Variants in SVOPL observed in about 807,000 individuals in gnomAD.
SVOPL encodes putative transporter SVOPL.
In SVOPL, 60 loss-of-function variants were observed where a neutral mutation model predicts 61.0. The ratio of observed to expected loss-of-function variants is 0.98; its 90% CI spans 0.80 to 1.22. SVOPL has a LOEUF of 1.22. Among genes scored for constraint, SVOPL ranks in the 50% most tolerant of loss-of-function variants. The pLI is 0.00. For missense variants in SVOPL, 662 were observed against 643.9 expected, an observed-to-expected ratio of 1.03 and a Z score of -0.30; for synonymous variants, 279 against 250.0, an observed-to-expected ratio of 1.12 and a Z score of -1.09.
intron 14 of SVOPL, among the ~76,000 whole-genome samples, chr7:138,611,489 G>GTT (rs928468838): frequency 6.6e-6 from 1 of 152,140 alleles, no homozygotes; most frequent in Non-Finnish European, 1.5e-5. Flanking sequence ...ACAACGTACA[G>GTT]TTTCTCAATA....
chr7:138,679,072 C>T lies in SVOPL; in HGVS notation c.-27G>A, dbSNP rs778753572. ...TTCTAAATAGCTCAAGTTCCCCAAA[C>T]AGCTTCCCTGGTGGAAGCAAGGGAG... On this transcript the variant is annotated 5_prime_UTR_variant, in exon 2 of 16. Transcript: ENST00000674285. The T allele has an allele frequency of 6.5e-7, 1 of 1,545,034 alleles. No individual in the cohort carries two copies. Among genetic ancestry groups the T allele is most frequent in the South Asian group, 1.2e-5 (1 of 83,840 alleles).
At position 138,594,464 on chromosome 7, in the gene SVOPL, C is replaced by T; in HGVS notation, c.*146G>A. On this transcript the variant is annotated 3_prime_UTR_variant, in exon 16 of 16. Transcript: ENST00000674285. Reference sequence around the variant, plus strand: ...GAGATCAATATACAGTTACCTACCCCATTCCCATATATGCCTTTAAAAAAA... The same window carrying T: ...GAGATCAATATACAGTTACCTACCCTATTCCCATATATGCCTTTAAAAAAA... 3.8e-6 allele frequency: 2 copies of T among 521,254 alleles called. No individual in the cohort carries two copies. The highest frequency in any genetic ancestry group is 3.3e-6 in the Non-Finnish European group (1 of 300,416). 32.3% of individuals were successfully genotyped at this position (521,254 alleles called of 1,614,324 possible).
chr7:138,638,497 A>G (rs1406123776), intron 9 of SVOPL, among the ~76,000 whole-genome samples: 2 of 152,184 alleles, frequency 1.3e-5, no homozygotes, highest in African/African-American at 2.4e-5. Context: ...GATCATATTT[A>G]GCGTCCTTGT....
chr7:138,694,160 G>A (rs11769043), intron 1 of SVOPL, among the ~76,000 whole-genome samples: 11,950 of 152,290 alleles, frequency 0.078, 958 homozygotes, highest in African/African-American at 0.2. Context: ...TGACTGAGCA[G>A]TTTCACTCTG....
intron 7 of SVOPL, among the ~76,000 whole-genome samples, chr7:138,653,389 A>G (rs769083967): frequency 5.3e-5 from 8 of 152,172 alleles, no homozygotes; most frequent in Non-Finnish European, 1.0e-4. Context: ...ATCAGTGCCT[A>G]TTTCAAAGCT....
chr7:138,634,112 G>C (rs888777520), intron 9 of SVOPL, among the ~76,000 whole-genome samples: 10 of 152,198 alleles, frequency 6.6e-5, no homozygotes, highest in Admixed American at 6.5e-5. Context: ...GTACCTCCTG[G>C]TCTCCCTGTT....
At chr7:138,634,380 C>A (rs149380366) in intron 9 of SVOPL, among the ~76,000 whole-genome samples, 1 of 152,000 alleles carries the variant, frequency 6.6e-6, no homozygotes, top group East Asian at 1.9e-4. Context: ...CGGTGGCTCA[C>A]GCCTGTAATT....
chr7:138,634,788 C>A (rs1301586671), intron 9 of SVOPL, among the ~76,000 whole-genome samples: 3 of 151,144 alleles, frequency 2.0e-5, no homozygotes, highest in Non-Finnish European at 4.4e-5. Flanking sequence ...CATGTCAAAA[C>A]CCTGTCTTCT....
At chr7:138,620,732 G>A (rs1799526482) in intron 14 of SVOPL, among the ~76,000 whole-genome samples, 1 of 152,082 alleles carries the variant, frequency 6.6e-6, no homozygotes, top group African/African-American at 2.4e-5. Context: ...CAGGGTTAGT[G>A]CCCACTGTCA....
chr7:138,627,845 C>T lies in SVOPL; in HGVS notation c.1069+313G>A, dbSNP rs566853211. ...TTTAAGTACCATCATTTTATGTCTA[C>T]TAAAATAGAAATAATGCTGTCAATT... On this transcript the variant is annotated intron_variant, in intron 11 of 15. Coordinates refer to ENST00000674285, the MANE Select transcript of SVOPL (RefSeq NM_001139456.2). Among the ~76,000 whole-genome samples, 3 of 152,112 alleles carry T rather than the reference C, an allele frequency of 2.0e-5. No homozygotes were observed. In the South Asian group the frequency reaches 6.2e-4, roughly 32 times the overall value.
chr7:138,635,901 C>T (rs1387806458), intron 9 of SVOPL, among the ~76,000 whole-genome samples: 1 of 152,068 alleles, frequency 6.6e-6, no homozygotes, highest in Non-Finnish European at 1.5e-5. Context: ...AGCCACACAA[C>T]ATAGAAAATA....
intron 6 of SVOPL, among the ~76,000 whole-genome samples, chr7:138,659,263 G>A (rs1446183794): frequency 6.6e-6 from 1 of 152,096 alleles, no homozygotes; most frequent in African/African-American, 2.4e-5. Context: ...AGGCCAAGGC[G>A]GGTGGATTAC....
In SVOPL at chr7:138,653,443, G is replaced by C. The variant is rs184586563; in HGVS notation, c.534+3005C>G. On this transcript the variant is annotated intron_variant, in intron 7 of 15. Transcript: ENST00000674285. ...CTGTTATTAGGGGTTAATGCTCCTG[G>C]TGACTTCAAGTTGAAGCCAATGATC... is the stretch of plus-strand genomic sequence containing the variant. 2.2e-3 allele frequency among the ~76,000 whole-genome samples: 336 copies of C among 152,276 alleles called. 1 individual carries two copies. Among genetic ancestry groups the C allele is most frequent in the African/African-American group, 6.9e-3 (288 of 41,548 alleles).
chr7:138,641,814 T>TTTTA (rs765128177), intron 9 of SVOPL, among the ~76,000 whole-genome samples: 4 of 120,972 alleles, frequency 3.3e-5, no homozygotes, highest in African/African-American at 1.2e-4. Flanking sequence ...TATATATATG[T>TTTTA]TATATATATA....
chr7:138,691,303 T>C (rs1237781104), intron 1 of SVOPL, among the ~76,000 whole-genome samples: 1 of 152,208 alleles, frequency 6.6e-6, no homozygotes, highest in Non-Finnish European at 1.5e-5. Context: ...CAGTTACAAC[T>C]AAAATGCTTA....
chr7:138,654,130 CAAAA>C (rs34730936), intron 7 of SVOPL, among the ~76,000 whole-genome samples: 34 of 99,180 alleles, frequency 3.4e-4, no homozygotes, highest in Non-Finnish European at 3.9e-4. Flanking sequence ...AAGACTCCCT[CAAAA>C]AAAAAAAAAA....
At chr7:138,602,191 C>A (rs543641767) in intron 14 of SVOPL, among the ~76,000 whole-genome samples, 2 of 151,910 alleles carry the variant, frequency 1.3e-5, no homozygotes, top group South Asian at 4.2e-4. Context: ...GCAGCCTGGG[C>A]AACAAAGCAA....
Position 138,696,415 on chromosome 7 carries a change from TTTG to T in SVOPL, c.-35+4760_-35+4762del, listed in dbSNP as rs542272465. 5.9e-3 allele frequency among the ~76,000 whole-genome samples: 900 copies of T among 151,504 alleles called. 3 individuals carry two copies. The highest frequency in any genetic ancestry group is 8.8e-3 in the Non-Finnish European group (594 of 67,818). ...CTGGCTAATTTTGTTGTTGTTGTTG[TTTG>T]TTGTTGTTGTTGTTGTTGTTTTGAG... On this transcript the variant is annotated intron_variant, in intron 1 of 15. Transcript: ENST00000674285.
Position 138,663,099 on chromosome 7 carries a change from A to G in SVOPL, c.320T>C (p.Leu107Pro). 1 of 1,614,218 alleles carries G rather than the reference A, an allele frequency of 6.2e-7. No homozygotes were observed. The highest frequency in any genetic ancestry group is 1.3e-5 in the African/African-American group (1 of 75,072). The change falls in exon 5 of 16, where the codon CTG becomes CCG. Residue 107 changes from leucine to proline, a missense_variant. Physicochemically the swap from Leu to Pro is moderately conservative, Grantham distance 98. Transcript: ENST00000674285. ...CTTCCAGCGGCCATATCTGTCAGCC[A>G]GGAGGCCAAAGAGGATACTGAAAAC... The part of the protein sequence containing the change: ...YMVFSILFGL[L>P]ADRYGRWKIL...
Sources: gnomAD v4.1 joint callset for allele counts (sites outside exome capture counted in the v4.1 genomes callset) on GRCh38, gnomAD v4.1.1 for gene constraint, MANE v1.5 for transcripts, NCBI Gene and HGNC (gene_info 2026-07-23, HGNC 2026-07-21) for gene names.